The following KANK3 variants were observed in gnomAD, a reference collection of about 807,000 sequenced individuals.
KANK3 encodes KN motif and ankyrin repeat domain-containing protein 3.
A neutral mutation model predicts 65.4 loss-of-function variants in KANK3; 61 were observed. The observed-to-expected ratio is 0.93, with a 90% CI of 0.76 to 1.15. The LOEUF (loss-of-function observed/expected upper bound fraction) is 1.15, where lower values mean the gene tolerates loss of function less well. Among genes scored for constraint, KANK3 ranks in the 50% most tolerant of loss-of-function variants. The pLI is 0.00. For synonymous variants in KANK3, 586 were observed against 543.3 expected (o/e 1.08, Z -1.09); for missense variants, 1,187 against 1,178.8 (o/e 1.01, Z -0.10).
intron 1 of KANK3, 59 bp from the exon 2 acceptor site, chr19:8,337,915 C>A: frequency 6.3e-7 from 1 of 1,599,446 alleles, no homozygotes; most frequent in Non-Finnish European, 8.5e-7. Flanking sequence ...CCTCTGGGGC[C>A]TGCCTTTGAG....
intron 2 of KANK3, among the ~76,000 whole-genome samples, chr19:8,336,482 A>G (rs1970640700): frequency 6.6e-6 from 1 of 151,204 alleles, no homozygotes; most frequent in Admixed American, 6.6e-5. Flanking sequence ...TCACGCCTCT[A>G]TCTCAACACT....
At chr19:8,325,363 G>A (rs1432037086) in intron 7 of KANK3, among the ~76,000 whole-genome samples, 2 of 137,118 alleles carry the variant, frequency 1.5e-5, no homozygotes, top group Non-Finnish European at 1.5e-5. Flanking sequence ...GGAGTGCAGT[G>A]GTGCGATCTC....
At position 8,334,113 on chromosome 19, in the gene KANK3, G is replaced by C; in HGVS notation, c.1431C>G (p.Tyr477Ter). Residue 477 changes from tyrosine (Y) to a stop codon, truncating the protein, a stop_gained, in exon 5 of 11, where the codon TAC becomes TAG. Coordinates refer to ENST00000330915, the MANE Select transcript of KANK3 (RefSeq NM_198471.3). LOFTEE classifies it high-confidence loss of function. ...LQFVGVLNGE[Y>*]ESSSSEDASD... is the part of the protein sequence containing the mutation. ...TGGCGTCCTCGCTGGAGGAGCTCTC[G>C]TACCTGGGGGCAGGGTGGGAGGTGT... 3.3e-6 allele frequency: 5 copies of C among 1,514,072 alleles called. No individual in the cohort carries two copies. Among genetic ancestry groups the C allele is most frequent in the Non-Finnish European group, 4.4e-6 (5 of 1,130,938 alleles). The allele number at this position is 1,514,072 out of a possible 1,614,324, so 93.8% of individuals were successfully genotyped here.
intron 1 of KANK3, among the ~76,000 whole-genome samples, chr19:8,341,707 C>T (rs1281700339): frequency 6.6e-6 from 1 of 152,146 alleles, no homozygotes; most frequent in Non-Finnish European, 1.5e-5. Context: ...CCCAGGCTGG[C>T]CTCCAACTCC....
intron 2 of KANK3, among the ~76,000 whole-genome samples, chr19:8,336,433 C>CGAA (rs1970639382): frequency 7.4e-6 from 1 of 134,332 alleles, no homozygotes; most frequent in Non-Finnish European, 1.6e-5. Flanking sequence ...GAGAACCTCT[C>CGAA]AAAAAAAAAA....
Position 8,334,361 on chromosome 19 carries a change from G to T in KANK3, c.1386C>A (p.Ser462=), listed in dbSNP as rs151045287. The part of the protein sequence containing the change: ...RDGTPGAQPS[S]GPKSLQFVGV... ...CAACAAACTGCAGGCTCTTGGGTCC[G>T]GAGCTGGGTTGGGCACCAGGTGTGC... The change falls in exon 4 of 11, where the codon TCC becomes TCA. Residue 462 remains serine (S), a synonymous_variant. Coordinates refer to ENST00000330915, the MANE Select transcript of KANK3 (RefSeq NM_198471.3). The T allele has an allele frequency of 3.1e-6, 5 of 1,614,020 alleles. No homozygotes were observed. In the Admixed American group the frequency reaches 6.7e-5, roughly 22 times the overall value.
chr19:8,322,997 C>T (rs1970350507), intron 10 of KANK3, 75 bp from the exon 11 acceptor site: 1 of 834,198 alleles, frequency 1.2e-6, no homozygotes, highest in Non-Finnish European at 1.8e-6. Context: ...GCCCCAGCCT[C>T]ACTTAGTGGA....
Position 8,322,872 on chromosome 19 carries a change from G to T in KANK3, c.2433C>A (p.Cys811Ter). The part of the protein sequence containing the change: ...SQTATPGEGE[C>*]GDNGENPQVQ ...CCTGGGGGTTCTCTCCATTGTCACC[G>T]CATTCTCCTTCACCAGGTGTGGCTG... The change falls in exon 11 of 11, where the codon TGC becomes TGA. Residue 811 changes from cysteine to a stop codon, truncating the protein, a stop_gained. Coordinates refer to ENST00000330915, the MANE Select transcript of KANK3 (RefSeq NM_198471.3). LOFTEE classifies it low-confidence loss of function (END_TRUNC). 6.3e-7 allele frequency: 1 copy of T among 1,587,942 alleles called. No homozygotes were observed. The highest frequency in any genetic ancestry group is 8.6e-7 in the Non-Finnish European group (1 of 1,167,046).
intron 1 of KANK3, among the ~76,000 whole-genome samples, chr19:8,338,595 G>T (rs1970679953): frequency 1.3e-5 from 2 of 152,014 alleles, no homozygotes; most frequent in Non-Finnish European, 2.9e-5. Context: ...ACTCATCTAG[G>T]CTGGGCGCGG....
rs369948563 is a variant in KANK3, at chr19:8,326,481, TAAAAAA to T, written c.1937-1391_1937-1386del. On this transcript the variant is annotated intron_variant, in intron 7 of 10. Coordinates refer to ENST00000330915, the MANE Select transcript of KANK3 (RefSeq NM_198471.3). ...ATTTCAGACTTCTGGCCACCTGTTG[TAAAAAA>T]AAAAAAAAAAAAAAAAAAAGCCAGG... is the stretch of plus-strand genomic sequence containing the variant. Among the ~76,000 whole-genome samples the T allele has an allele frequency of 6.5e-3, 779 of 119,476 alleles. 9 individuals carry two copies. The highest frequency in any genetic ancestry group is 0.059 in the East Asian group (217 of 3,700). 78.4% of individuals were successfully genotyped at this position (119,476 alleles called of 152,430 possible). A position where few individuals can be genotyped will look rare whatever the true frequency, so the allele number is the denominator to read the frequency against.
At chr19:8,332,936 T>G in intron 7 of KANK3, 78 bp downstream of exon 7, 1 of 1,214,888 alleles carries the variant, frequency 8.2e-7, no homozygotes, top group Middle Eastern at 2.6e-4. Context: ...CTCTCCAGAG[T>G]CTTTGAGCCT....
chr19:8,324,836 G>A lies in KANK3; in HGVS notation c.2083-6C>T. 1 of 1,608,594 alleles carries A rather than the reference G, an allele frequency of 6.2e-7. No individual in the cohort carries two copies. Among genetic ancestry groups the A allele is most frequent in the Admixed American group, 1.7e-5 (1 of 59,932 alleles). On this transcript the variant is annotated splice_polypyrimidine_tract_variant and splice_region_variant and intron_variant, in intron 8 of 10. Coordinates refer to ENST00000330915, the MANE Select transcript of KANK3 (RefSeq NM_198471.3). The stretch of plus-strand genomic sequence containing the variant: ...ATGAGGGCTGTCTGCCCCGTCTGGG[G>A]AGTGGGGAGGAAGAGGGAACAGGCT...
In KANK3 at chr19:8,335,253, C is replaced by A; in HGVS notation, c.574G>T (p.Ala192Ser). ...QLQLVREQMA[A>S]ALRRLRELED... ...AGCTCGCGCAGGCGCCGCAGCGCCG[C>A]GGCCATCTGCTCGCGCACCAGCTGC... is the stretch of plus-strand genomic sequence containing the variant. The change falls in exon 3 of 11, where the codon GCG (alanine) becomes TCG (serine). Residue 192 changes from alanine (A) to serine (S), a missense_variant. Around this residue, in one of 3 missense-constraint regions of KANK3, gnomAD observed 1,078 missense variants for 1,038.2 expected, o/e 1.04. Coordinates refer to ENST00000330915, the MANE Select transcript of KANK3 (RefSeq NM_198471.3). 8.2e-7 allele frequency: 1 copy of A among 1,225,274 alleles called. No individual in the cohort carries two copies. The highest frequency in any genetic ancestry group is 1.0e-6 in the Non-Finnish European group (1 of 981,940). The allele number at this position is 1,225,274 out of a possible 1,614,324, so 75.9% of individuals were successfully genotyped here. A position where few individuals can be genotyped will look rare whatever the true frequency, so the allele number is the denominator to read the frequency against.
chr19:8,338,759 C>T (rs1471950051), intron 1 of KANK3, among the ~76,000 whole-genome samples: 2 of 151,354 alleles, frequency 1.3e-5, no homozygotes, highest in South Asian at 2.1e-4. Context: ...CCTGTAGTCC[C>T]AGCTACTCGG....
intron 7 of KANK3, among the ~76,000 whole-genome samples, chr19:8,325,716 T>C (rs1970416092): frequency 6.6e-6 from 1 of 152,154 alleles, no homozygotes; most frequent in Non-Finnish European, 1.5e-5. Flanking sequence ...AGGATATGTT[T>C]ATTTTCATGG....
intron 1 of KANK3, among the ~76,000 whole-genome samples, chr19:8,338,851 GCA>G (rs1970684126): frequency 7.5e-6 from 1 of 134,192 alleles, no homozygotes; most frequent in Non-Finnish European, 1.5e-5. Flanking sequence ...CTTCAGCCTG[GCA>G]ACAGAGCGAG....
intron 2 of KANK3, among the ~76,000 whole-genome samples, chr19:8,337,400 AC>A (rs1970659991): frequency 6.6e-6 from 1 of 151,846 alleles, no homozygotes; most frequent in African/African-American, 2.4e-5. Flanking sequence ...ATGGGATTTC[AC>A]CGTGTTAGCC....
intron 10 of KANK3, among the ~76,000 whole-genome samples, 186 bp downstream of exon 10, chr19:8,324,263 C>G (rs571656727): frequency 3.9e-5 from 6 of 152,208 alleles, no homozygotes; most frequent in Non-Finnish European, 8.8e-5. Context: ...CACCCCAACC[C>G]GGGTTACAGA....
Position 8,333,626 on chromosome 19 carries a change from G to T in KANK3, c.1719+98C>A. The T allele has an allele frequency of 1.0e-6, 1 of 982,418 alleles. No homozygotes were observed. The highest frequency in any genetic ancestry group is 1.4e-6 in the Non-Finnish European group (1 of 698,866). The allele number at this position is 982,418 out of a possible 1,614,324, so 60.9% of individuals were successfully genotyped here. On this transcript the variant is annotated intron_variant, in intron 6 of 10. Transcript: ENST00000330915. The surrounding 1 kb of genome is among the most constrained non-coding windows in gnomAD (Gnocchi z 5.0). ...CCTGGGGTCAGGCGAGGTGCCTGGC[G>T]GGAAGGGATGGAACCCGGTGTGCTC...
Sources: allele counts gnomAD v4.1 joint callset (sites outside exome capture counted in the v4.1 genomes callset), GRCh38; gene constraint gnomAD v4.1.1; regional missense constraint gnomAD v4.1.1; non-coding constraint Gnocchi (gnomAD v3.1); transcripts MANE v1.5; gene names NCBI Gene and HGNC (gene_info 2026-07-23, HGNC 2026-07-21).